CTNNA3: variants seen among roughly 807,000 people sequenced by gnomAD.
The protein encoded by CTNNA3 is catenin alpha 3, also known as catenin alpha-3.
A neutral mutation model predicts 95.7 loss-of-function variants in CTNNA3; 76 were observed. The observed-to-expected ratio is 0.79, with a 90% CI of 0.66 to 0.96. The LOEUF (loss-of-function observed/expected upper bound fraction) is 0.96, where lower values mean the gene tolerates loss of function less well. Among genes scored for constraint, CTNNA3 ranks in the 40% least tolerant of loss-of-function variants. The probability of loss-of-function intolerance (pLI) is 0.00; values close to 1 mark genes in which losing one functional copy is unlikely to be tolerated. For synonymous variants in CTNNA3, 431 were observed against 374.4 expected (o/e 1.15, Z -1.74); for missense variants, 1,191 against 1,089.8 (o/e 1.09, Z -1.31).
intron 9 of CTNNA3, among the ~76,000 whole-genome samples, chr10:66,690,097 T>G (rs1031557346): frequency 6.6e-6 from 1 of 152,056 alleles, no homozygotes; most frequent in African/African-American, 2.4e-5. Flanking sequence ...GTCTTAAAGC[T>G]TAATAAAGTA....
Position 67,181,345 on chromosome 10 carries a change from G to GCCT in CTNNA3, c.844-828_844-826dup, listed in dbSNP as rs553034905. Among the ~76,000 whole-genome samples the GCCT allele has an allele frequency of 4.6e-5, 7 of 152,238 alleles. No homozygotes were observed. In the South Asian group the frequency reaches 1.5e-3, roughly 32 times the overall value. On this transcript the variant is annotated intron_variant, in intron 6 of 17. Transcript: ENST00000433211. ...GTAATAGAAGTCGAGATAATCTACA[G>GCCT]CCTCTTAAGAAAAGATGGAAGGTAT...
At chr10:66,977,220 C>T (rs1321664591) in intron 7 of CTNNA3, among the ~76,000 whole-genome samples, 1 of 151,952 alleles carries the variant, frequency 6.6e-6, no homozygotes, top group Non-Finnish European at 1.5e-5. Context: ...AGGTGGATCA[C>T]GAAGTCAAGA....
intron 13 of CTNNA3, among the ~76,000 whole-genome samples, chr10:66,144,200 T>A (rs903340616): frequency 1.2e-4 from 18 of 152,188 alleles, no homozygotes; most frequent in Admixed American, 7.9e-4. Flanking sequence ...CAAAATGGAA[T>A]TTATCGCAAC....
intron 7 of CTNNA3, among the ~76,000 whole-genome samples, chr10:67,165,279 T>A (rs1403048459): frequency 6.6e-6 from 1 of 152,164 alleles, no homozygotes; most frequent in African/African-American, 2.4e-5. Context: ...GTAATTCCAT[T>A]TATAAAACAC....
At chr10:66,959,671 C>T (rs1393482428) in intron 7 of CTNNA3, among the ~76,000 whole-genome samples, 2 of 152,176 alleles carry the variant, frequency 1.3e-5, no homozygotes, top group African/African-American at 4.8e-5. Context: ...CCATTCTACT[C>T]TCAGTGCAAC....
At chr10:65,966,226 T>C (rs2077962565) in intron 17 of CTNNA3, among the ~76,000 whole-genome samples, 1 of 152,208 alleles carries the variant, frequency 6.6e-6, no homozygotes, top group African/African-American at 2.4e-5. Context: ...TATCAATTAA[T>C]AGCAGCGAAG....
intron 7 of CTNNA3, among the ~76,000 whole-genome samples, chr10:67,036,390 T>G (rs960927124): frequency 9.9e-5 from 15 of 151,878 alleles, no homozygotes; most frequent in African/African-American, 3.6e-4. Flanking sequence ...TGCCTCAGAC[T>G]CCCAAGTAGC....
At chr10:67,279,898 C>T (rs1298234949) in intron 5 of CTNNA3, among the ~76,000 whole-genome samples, 5 of 150,288 alleles carry the variant, frequency 3.3e-5, no homozygotes, top group Admixed American at 6.7e-5. Context: ...ATGAAAGAAA[C>T]GGACAGAGAA....
chr10:67,195,177 C>T (rs899108789), intron 6 of CTNNA3, among the ~76,000 whole-genome samples: 8 of 151,954 alleles, frequency 5.3e-5, no homozygotes, highest in African/African-American at 1.9e-4. Context: ...ATTATTTAGA[C>T]ATATTGAGTC....
At chr10:65,924,379 A>G (rs1169882435) in intron 17 of CTNNA3, among the ~76,000 whole-genome samples, 2 of 152,130 alleles carry the variant, frequency 1.3e-5, no homozygotes, top group East Asian at 3.9e-4. Flanking sequence ...GCTAAGAGTA[A>G]CAAAGCACCA....
At chr10:67,254,180 G>A (rs1006652633) in intron 5 of CTNNA3, among the ~76,000 whole-genome samples, 6 of 151,550 alleles carry the variant, frequency 4.0e-5, no homozygotes, top group Middle Eastern at 3.2e-3. Flanking sequence ...TTCAAAGTTG[G>A]GCTCATAAAA....
At chr10:67,613,685 G>C (rs1843542037) in intron 2 of CTNNA3, among the ~76,000 whole-genome samples, 1 of 152,098 alleles carries the variant, frequency 6.6e-6, no homozygotes, top group South Asian at 2.1e-4. Flanking sequence ...AATAAAAAGA[G>C]CTGGCACATC....
At chr10:66,876,695 T>TCTTTC (rs1554869807) in intron 7 of CTNNA3, among the ~76,000 whole-genome samples, 1 of 50,082 alleles carries the variant, frequency 2.0e-5, no homozygotes, top group Admixed American at 1.6e-4. Context: ...ATGTTTAACC[T>TCTTTC]TAGCAGGATC....
At chr10:66,645,345 A>G (rs1434477066) in intron 9 of CTNNA3, among the ~76,000 whole-genome samples, 1 of 151,944 alleles carries the variant, frequency 6.6e-6, no homozygotes, top group Non-Finnish European at 1.5e-5. Flanking sequence ...ATTTTTTAAT[A>G]TTTTACCTTT....
chr10:67,313,830 A>C (rs944266409), intron 5 of CTNNA3, among the ~76,000 whole-genome samples: 15 of 152,204 alleles, frequency 9.9e-5, no homozygotes, highest in African/African-American at 3.6e-4. Context: ...CTTAAACAAC[A>C]AGGTCAAACA....
intron 12 of CTNNA3, among the ~76,000 whole-genome samples, chr10:66,352,217 C>A (rs934562529): frequency 1.1e-4 from 16 of 152,218 alleles, no homozygotes; most frequent in African/African-American, 3.6e-4. Context: ...AGCAGTCAGA[C>A]TGAAGACTCA....
rs2077062696 is a variant in CTNNA3 at position 65,920,353 on chromosome 10, A to G, written c.2665T>C (p.Phe889Leu). The change falls in exon 18 of 18, where the codon TTT becomes CTT. Residue 889 changes from phenylalanine (F) to leucine (L), a missense_variant. Transcript: ENST00000433211. ...TTTCAGTAGATTTGTCTTCCTCTAA[A>G]TTCACTCATGACTTGCAATGGATGG... ...KIHPLQVMSEFRGRQIY is the reference protein window; with the variant it reads ...KIHPLQVMSELRGRQIY 2 of 1,613,604 alleles carry G rather than the reference A, an allele frequency of 1.2e-6. No individual in the cohort carries two copies. Among genetic ancestry groups the G allele is most frequent in the Non-Finnish European group, 1.7e-6 (2 of 1,179,942 alleles).
intron 5 of CTNNA3, among the ~76,000 whole-genome samples, chr10:67,291,065 T>A (rs1034368088): frequency 4.6e-5 from 7 of 152,094 alleles, no homozygotes. Context: ...TGCACAAGGA[T>A]TCACATTGCT....
chr10:67,358,101 C>A (rs1027184037), intron 5 of CTNNA3, among the ~76,000 whole-genome samples: 1 of 152,056 alleles, frequency 6.6e-6, no homozygotes, highest in African/African-American at 2.4e-5. Context: ...AAAATCTCCA[C>A]ACTTACCTCA....
Sources: allele counts gnomAD v4.1 joint callset (sites outside exome capture counted in the v4.1 genomes callset), GRCh38; gene constraint gnomAD v4.1.1; transcripts MANE v1.5; gene names NCBI Gene and HGNC (gene_info 2026-07-23, HGNC 2026-07-21).